FAT4: variants seen among roughly 807,000 people sequenced by gnomAD.
FAT4 encodes the protein FAT atypical cadherin 4.
In FAT4, 84 loss-of-function variants were observed where a neutral mutation model predicts 303.9. The ratio of observed to expected loss-of-function variants is 0.28; its 90% CI spans 0.23 to 0.33. FAT4 has a LOEUF of 0.33. FAT4 is among the 10% of genes least tolerant of loss of function. The probability of loss-of-function intolerance (pLI) is 1.00; values close to 1 mark genes in which losing one functional copy is unlikely to be tolerated. For missense variants in FAT4, 6,005 were observed against 6,146.8 expected, an observed-to-expected ratio of 0.98 and a Z score of 0.77; for synonymous variants, 2,307 against 2,298.8, an observed-to-expected ratio of 1.00 and a Z score of -0.10.
At chr4:125,400,008 T>C (rs1734322333) in intron 3 of FAT4, among the ~76,000 whole-genome samples, 1 of 151,912 alleles carries the variant, frequency 6.6e-6, no homozygotes, top group Non-Finnish European at 1.5e-5. Flanking sequence ...TACATTTTGA[T>C]TTATCAATTC....
rs1479203372 is a variant in FAT4, at chr4:125,321,484, G to A, written c.5073G>A (p.Gln1691=). ...TTGGACGACATACTGGTATAATTCA[G>A]ACCGCAGCCATTCTGGACCGGGAGC... The part of the protein sequence containing the change: ...FTIGRHTGII[Q]TAAILDREQG... Residue 1691 remains glutamine (Q), a synonymous_variant, in exon 2 of 18, where the codon CAG becomes CAA. Coordinates refer to ENST00000394329, the MANE Select transcript of FAT4 (RefSeq NM_001291303.3). 6.2e-7 allele frequency: 1 copy of A among 1,613,974 alleles called. No homozygotes were observed. Among genetic ancestry groups the A allele is most frequent in the East Asian group, 2.2e-5 (1 of 44,882 alleles).
At chr4:125,356,549 GTT>G (rs57855830) in intron 2 of FAT4, among the ~76,000 whole-genome samples, 21,560 of 131,270 alleles carry the variant, frequency 0.16, 2,063 homozygotes, top group East Asian at 0.31. Context: ...TTTGTTTTTT[GTT>G]TTTTTTTTTT....
At chr4:125,408,412 G>T in intron 4 of FAT4, 32 bp from the exon 5 acceptor site, 2 of 1,391,790 alleles carry the variant, frequency 1.4e-6, no homozygotes, top group South Asian at 1.4e-5. Context: ...TTACTTCCTT[G>T]ATTTTATACT....
At chr4:125,456,908 A>G (rs898718979) in intron 10 of FAT4, among the ~76,000 whole-genome samples, 1 of 152,170 alleles carries the variant, frequency 6.6e-6, no homozygotes, top group African/African-American at 2.4e-5. Flanking sequence ...GTAGTGCCTT[A>G]GTAAAGCTTC....
rs767869702 is a variant in FAT4 at position 125,351,282 on chromosome 4, T to C, written c.5175+29696T>C. On this transcript the variant is annotated intron_variant, in intron 2 of 17. Transcript: ENST00000394329. ...ATGTACAGATAAAACAATAGAACAA[T>C]TACTGATACAGGCCATCACTGATAC... 4.0e-5 allele frequency among the ~76,000 whole-genome samples: 6 copies of C among 151,772 alleles called. No individual in the cohort carries two copies. The South Asian group carries it at 6.2e-4, about 16-fold the overall frequency.
At chr4:125,461,743 A>T (rs1332061685) in intron 10 of FAT4, among the ~76,000 whole-genome samples, 1 of 151,938 alleles carries the variant, frequency 6.6e-6, no homozygotes, top group Non-Finnish European at 1.5e-5. Flanking sequence ...TACTTTATTG[A>T]TGACAACTAA....
At chr4:125,329,311 T>C (rs1288926201) in intron 2 of FAT4, among the ~76,000 whole-genome samples, 4 of 152,226 alleles carry the variant, frequency 2.6e-5, no homozygotes, top group Admixed American at 6.5e-5. Context: ...GATGGACACA[T>C]TGCTAGATCC....
In FAT4 at chr4:125,368,520, A is replaced by ATG. The variant is rs1183536719; in HGVS notation, c.5176-30262_5176-30261dup. 2.6e-4 allele frequency among the ~76,000 whole-genome samples: 32 copies of ATG among 123,660 alleles called. No homozygotes were observed. In the East Asian group the frequency reaches 4.5e-3, roughly 17 times the overall value. The allele number at this position is 123,660 out of a possible 152,430, so 81.1% of individuals were successfully genotyped here. On this transcript the variant is annotated intron_variant, in intron 2 of 17. Coordinates refer to ENST00000394329, the MANE Select transcript of FAT4 (RefSeq NM_001291303.3). The stretch of plus-strand genomic sequence containing the variant: ...ATATATGTATGTATATATTATATAT[A>ATG]TGTATATATATATATATATAAAAAT...
chr4:125,389,083 T>C (rs1323173324), intron 2 of FAT4, among the ~76,000 whole-genome samples: 1 of 152,174 alleles, frequency 6.6e-6, no homozygotes, highest in Non-Finnish European at 1.5e-5. Context: ...AAACTCATTA[T>C]GATTAATTTT....
At chr4:125,471,895 C>CAAAAAAAAAAAAAAAAAAAA (rs60730341) in intron 12 of FAT4, among the ~76,000 whole-genome samples, 11 of 56,116 alleles carry the variant, frequency 2.0e-4, no homozygotes, top group East Asian at 5.1e-4. Flanking sequence ...ACTAAAAATA[C>CAAAAAAAAAAAAAAAAAAAA]AAAAAAAAAA....
intron 2 of FAT4, among the ~76,000 whole-genome samples, chr4:125,395,813 A>G (rs28641191): frequency 0.044 from 6,757 of 152,186 alleles, 495 homozygotes; most frequent in African/African-American, 0.16. Flanking sequence ...GTCGTTTTGA[A>G]CTCAATAATA....
chr4:125,453,164 C>A (rs1395738284), intron 10 of FAT4, among the ~76,000 whole-genome samples: 2 of 151,836 alleles, frequency 1.3e-5, no homozygotes, highest in Non-Finnish European at 2.9e-5. Context: ...AATCTCGTAG[C>A]GTCTCTTACA....
In FAT4 at chr4:125,485,589, A is replaced by G. The variant is rs190980346; in HGVS notation, c.12823-1756A>G. Among the ~76,000 whole-genome samples the G allele has an allele frequency of 1.1e-4, 17 of 152,288 alleles. 1 individual carries two copies. The highest frequency in any genetic ancestry group is 1.0e-3 in the Admixed American group (16 of 15,304). ...ACAGATGGAACTGTCATCTCCTATG[A>G]TAACAATGCCTTCTTCTGGAATCCC... On this transcript the variant is annotated intron_variant, in intron 16 of 17. Coordinates refer to ENST00000394329, the MANE Select transcript of FAT4 (RefSeq NM_001291303.3).
intron 2 of FAT4, among the ~76,000 whole-genome samples, chr4:125,357,371 T>C (rs887056954): frequency 1.9e-4 from 29 of 152,152 alleles, no homozygotes; most frequent in African/African-American, 7.0e-4. Context: ...TTGATACAGA[T>C]TCTTGTAGAG....
intron 2 of FAT4, among the ~76,000 whole-genome samples, chr4:125,327,560 T>G (rs1382307189): frequency 6.6e-6 from 1 of 152,180 alleles, no homozygotes; most frequent in African/African-American, 2.4e-5. Flanking sequence ...GCTTTATAAA[T>G]TTTTAAGATG....
At chr4:125,433,360 C>T (rs1267350445) in intron 7 of FAT4, among the ~76,000 whole-genome samples, 1 of 152,148 alleles carries the variant, frequency 6.6e-6, no homozygotes, top group Non-Finnish European at 1.5e-5. Context: ...TTTTATTTTA[C>T]ATAAATGCAG....
chr4:125,424,801 C>T (rs1045382447), intron 7 of FAT4, among the ~76,000 whole-genome samples: 4 of 151,976 alleles, frequency 2.6e-5, no homozygotes, highest in South Asian at 2.1e-4. Context: ...AATTAACTGG[C>T]GAGAGAGTGT....
intron 2 of FAT4, among the ~76,000 whole-genome samples, chr4:125,341,913 T>C (rs751468674): frequency 5.9e-5 from 9 of 152,142 alleles, no homozygotes; most frequent in Admixed American, 2.0e-4. Flanking sequence ...TTTCATCATA[T>C]ACAAAAGATT....
intron 2 of FAT4, among the ~76,000 whole-genome samples, chr4:125,376,851 C>T (rs1030143585): frequency 1.3e-5 from 2 of 152,106 alleles, no homozygotes; most frequent in African/African-American, 4.8e-5. Context: ...TGCCATTGCA[C>T]TCCAGCCTGG....
Sources: allele counts gnomAD v4.1 joint callset (sites outside exome capture counted in the v4.1 genomes callset), GRCh38; gene constraint gnomAD v4.1.1; transcripts MANE v1.5; gene names NCBI Gene and HGNC (gene_info 2026-07-23, HGNC 2026-07-21).